ANKS1B: variants seen among roughly 807,000 people sequenced by gnomAD.
ANKS1B encodes the protein ankyrin repeat and sterile alpha motif domain-containing protein 1B.
In ANKS1B, 36 loss-of-function variants were observed where a neutral mutation model predicts 148.3. That is an observed-to-expected ratio of 0.24 (90% CI 0.19 to 0.32). ANKS1B has a LOEUF of 0.32. Ranked by LOEUF, ANKS1B falls within the 10% of genes least tolerant of loss-of-function variation. ANKS1B has a pLI of 1.00. For missense variants in ANKS1B, 1,157 were observed against 1,542.6 expected (o/e 0.75, Z 4.19); for synonymous variants, 542 against 560.8 (o/e 0.97, Z 0.47).
chr12:99,702,568 C>T lies in ANKS1B; in HGVS notation c.1129-47358G>A, dbSNP rs141168603. Among the ~76,000 whole-genome samples the T allele has an allele frequency of 2.8e-3, 421 of 151,930 alleles. 5 individuals are homozygous for T. The highest frequency in any genetic ancestry group is 9.1e-3 in the African/African-American group (378 of 41,448). On this transcript the variant is annotated intron_variant, in intron 8 of 26. Transcript: ENST00000683438. ...ATTGCCTTTTTTTTATTTGAGACAG[C>T]GTCTTGCTCTATCGCTCAGGCTGGA... is the stretch of plus-strand genomic sequence containing the variant.
intron 9 of ANKS1B, among the ~76,000 whole-genome samples, chr12:99,634,221 TCA>T (rs1343596875): frequency 6.6e-6 from 1 of 152,174 alleles, no homozygotes; most frequent in African/African-American, 2.4e-5. Context: ...AATACATTCA[TCA>T]ATTAATAGAT....
chr12:98,928,564 T>C (rs1259100235), intron 17 of ANKS1B, among the ~76,000 whole-genome samples: 3 of 151,998 alleles, frequency 2.0e-5, no homozygotes, highest in Admixed American at 1.3e-4. Flanking sequence ...TCCAGAAACA[T>C]ATTAAAAGAA....
At chr12:99,724,317 T>C (rs1018464719) in intron 8 of ANKS1B, among the ~76,000 whole-genome samples, 2 of 152,144 alleles carry the variant, frequency 1.3e-5, no homozygotes, top group African/African-American at 2.4e-5. Flanking sequence ...ATAAATAACC[T>C]GATGGAGCTG....
At chr12:99,648,829 G>A (rs372189861) in intron 9 of ANKS1B, 4 of 1,572,648 alleles carry the variant, frequency 2.5e-6, no homozygotes, top group African/African-American at 2.7e-5. Flanking sequence ...TGGATGCTTT[G>A]GGGGAGAGCA....
chr12:99,625,711 A>C (rs1329811408), intron 9 of ANKS1B, among the ~76,000 whole-genome samples: 1 of 152,168 alleles, frequency 6.6e-6, no homozygotes, highest in Non-Finnish European at 1.5e-5. Context: ...AACTTAATAT[A>C]TGCAAATAAA....
intron 4 of ANKS1B, among the ~76,000 whole-genome samples, chr12:99,805,069 C>G (rs2067418915): frequency 6.6e-6 from 1 of 151,860 alleles, no homozygotes; most frequent in Non-Finnish European, 1.5e-5. Flanking sequence ...ACTAAATTGC[C>G]AATCACAGAA....
At chr12:99,656,099 A>C (rs1414723686) in intron 8 of ANKS1B, among the ~76,000 whole-genome samples, 1 of 152,174 alleles carries the variant, frequency 6.6e-6, no homozygotes, top group Non-Finnish European at 1.5e-5. Context: ...TAATTTTTGA[A>C]GAAGTTGAAG....
At chr12:99,380,168 T>A (rs747309133) in intron 12 of ANKS1B, among the ~76,000 whole-genome samples, 4 of 152,242 alleles carry the variant, frequency 2.6e-5, no homozygotes, top group Non-Finnish European at 5.9e-5. Context: ...GATTACTTAA[T>A]GTAGGCAAAG....
At chr12:99,809,017 G>A (rs577068553) in intron 3 of ANKS1B, among the ~76,000 whole-genome samples, 5 of 152,070 alleles carry the variant, frequency 3.3e-5, no homozygotes, top group Admixed American at 1.3e-4. Context: ...ACGCCACAAC[G>A]GTGGTACTTT....
At chr12:98,934,698 C>T (rs991216106) in intron 17 of ANKS1B, among the ~76,000 whole-genome samples, 1 of 151,684 alleles carries the variant, frequency 6.6e-6, no homozygotes, top group Non-Finnish European at 1.5e-5. Flanking sequence ...GAGTTTATTT[C>T]TAGATATTTT....
chr12:99,363,340 T>C (rs1018048406), intron 12 of ANKS1B, among the ~76,000 whole-genome samples: 1 of 152,172 alleles, frequency 6.6e-6, no homozygotes, highest in Non-Finnish European at 1.5e-5. Flanking sequence ...GTAAAATCTT[T>C]AACAGACTTG....
At chr12:98,988,244 C>T (rs2099924573) in intron 17 of ANKS1B, among the ~76,000 whole-genome samples, 2 of 152,128 alleles carry the variant, frequency 1.3e-5, no homozygotes, top group African/African-American at 4.8e-5. Context: ...TTTTGATCAA[C>T]ATCTCCCCAA....
At chr12:99,804,895 G>A (rs1223929264) in intron 4 of ANKS1B, among the ~76,000 whole-genome samples, 1 of 152,134 alleles carries the variant, frequency 6.6e-6, no homozygotes, top group South Asian at 2.1e-4. Flanking sequence ...ATGTGAGTAA[G>A]CCCAGGCTGA....
chr12:98,855,964 C>T (rs1282665965), intron 17 of ANKS1B, among the ~76,000 whole-genome samples: 1 of 152,244 alleles, frequency 6.6e-6, no homozygotes, highest in East Asian at 1.9e-4. Flanking sequence ...CAGACCTATG[C>T]TTTAAAGCCC....
chr12:99,354,264 C>T (rs1293288707), intron 12 of ANKS1B, among the ~76,000 whole-genome samples: 3 of 152,116 alleles, frequency 2.0e-5, no homozygotes, highest in Non-Finnish European at 2.9e-5. Flanking sequence ...TGTGGCAAGT[C>T]TCATATACTA....
intron 9 of ANKS1B, among the ~76,000 whole-genome samples, chr12:99,566,640 C>T (rs939383659): frequency 2.6e-5 from 4 of 152,088 alleles, no homozygotes; most frequent in African/African-American, 9.7e-5. Context: ...ATGGAACTAA[C>T]GGCTTTATAA....
intron 10 of ANKS1B, among the ~76,000 whole-genome samples, chr12:99,486,733 G>T (rs1595734116): frequency 6.6e-6 from 1 of 152,258 alleles, no homozygotes; most frequent in Admixed American, 6.5e-5. Context: ...CAGCAGGAAA[G>T]TTATCCACCT....
intron 10 of ANKS1B, among the ~76,000 whole-genome samples, chr12:99,474,309 C>G (rs1013571191): frequency 2.0e-5 from 3 of 152,000 alleles, no homozygotes; most frequent in Non-Finnish European, 4.4e-5. Flanking sequence ...ATAAAACTAT[C>G]TTATCAAACC....
intron 1 of ANKS1B, among the ~76,000 whole-genome samples, chr12:99,920,853 C>T (rs1428185735): frequency 6.6e-6 from 1 of 152,144 alleles, no homozygotes; most frequent in East Asian, 1.9e-4. Context: ...TGACACTCAC[C>T]CACATGGGTG....
Sources: allele counts gnomAD v4.1 joint callset (sites outside exome capture counted in the v4.1 genomes callset), GRCh38; gene constraint gnomAD v4.1.1; transcripts MANE v1.5; gene names NCBI Gene and HGNC (gene_info 2026-07-23, HGNC 2026-07-21).